Variants in AMBN observed in about 807,000 individuals in gnomAD.
The protein encoded by AMBN is enamel matrix protein.
A neutral mutation model predicts 48.0 loss-of-function variants in AMBN; 54 were observed. The observed-to-expected ratio is 1.12, with a 90% CI of 0.90 to 1.41. AMBN has a LOEUF of 1.41. AMBN is among the 40% of genes most tolerant of loss of function. AMBN has a pLI of 0.00. For synonymous variants in AMBN, 186 were observed against 190.0 expected, an observed-to-expected ratio of 0.98 and a Z score of 0.17; for missense variants, 571 against 547.3, an observed-to-expected ratio of 1.04 and a Z score of -0.43.
At position 70,602,964 on chromosome 4, in the gene AMBN, T is replaced by C. The variant is rs747766446; in HGVS notation, c.610-8T>C. 1.0e-5 allele frequency: 16 copies of C among 1,599,034 alleles called. No individual in the cohort carries two copies. The highest frequency in any genetic ancestry group is 1.7e-5 in the Admixed American group (1 of 58,788). ...GACTGATAATTTTAATATTTATCTG[T>C]AATATAGCTCCCAGGATTGGATTTT... is the stretch of plus-strand genomic sequence containing the variant. On this transcript the variant is annotated splice_polypyrimidine_tract_variant and splice_region_variant and intron_variant, in intron 8 of 12. Transcript: ENST00000322937.
rs755836736 is a variant in AMBN, at chr4:70,603,482, A to C, written c.753+22A>C. The C allele has an allele frequency of 2.5e-6, 4 of 1,601,942 alleles. No homozygotes were observed. In the Middle Eastern group the frequency reaches 6.8e-4, roughly 271 times the overall value. ...ATTGGTAAGTCCATATTCTATAAAA[A>C]GTATTGTTTTTAATTAAATTTTATC... On this transcript the variant is annotated intron_variant, in intron 11 of 12. Transcript: ENST00000322937.
rs1297431694 is a variant in AMBN at position 70,606,469 on chromosome 4, T to C, written c.1083T>C (p.Ile361=). 1 of 1,613,858 alleles carries C rather than the reference T, an allele frequency of 6.2e-7. No homozygotes were observed. The change falls in exon 13 of 13, where the codon ATT becomes ATC. Residue 361 remains isoleucine (I), a synonymous_variant. Coordinates refer to ENST00000322937, the MANE Select transcript of AMBN (RefSeq NM_016519.6). The part of the protein sequence containing the change: ...AGLLALPKDD[I]PGLPRSPSGK... Reference sequence around the variant, plus strand: ...TCCTTGCTCTCCCTAAGGATGACATTCCCGGCCTGCCAAGGAGCCCTTCAG... The same window carrying C: ...TCCTTGCTCTCCCTAAGGATGACATCCCCGGCCTGCCAAGGAGCCCTTCAG...
chr4:70,603,963 G>A (rs778923688), intron 12 of AMBN, 42 bp downstream of exon 12: 4 of 1,596,424 alleles, frequency 2.5e-6, no homozygotes, highest in South Asian at 2.2e-5. Flanking sequence ...AGTGGCCAGG[G>A]AAGAACAGTC....
intron 2 of AMBN, among the ~76,000 whole-genome samples, chr4:70,594,960 A>T (rs1405866177): frequency 6.6e-6 from 1 of 152,170 alleles, no homozygotes; most frequent in Non-Finnish European, 1.5e-5. Context: ...CATGACTTAG[A>T]GCAGATGGAA....
rs1737547472 is a variant in AMBN at position 70,602,675 on chromosome 4, C to A, written c.570+13C>A. ...ACAAGGTCCATCAGTAAGTACAGAT[C>A]TCAATGAGACACTTTCTGTATTTTA... On this transcript the variant is annotated intron_variant, in intron 7 of 12. Transcript: ENST00000322937. 6.4e-7 allele frequency: 1 copy of A among 1,564,014 alleles called. No individual in the cohort carries two copies. The highest frequency in any genetic ancestry group is 8.7e-7 in the Non-Finnish European group (1 of 1,150,832).
At chr4:70,594,032 A>G (rs1437841326) in intron 2 of AMBN, among the ~76,000 whole-genome samples, 1 of 152,218 alleles carries the variant, frequency 6.6e-6, no homozygotes, top group Admixed American at 6.5e-5. Flanking sequence ...TGCTATCATT[A>G]TAAAGTTGAA....
Position 70,603,472 on chromosome 4 carries a change from T to C in AMBN, c.753+12T>C, listed in dbSNP as rs781020845. 2 of 1,608,828 alleles carry C rather than the reference T, an allele frequency of 1.2e-6. No individual in the cohort carries two copies. Among genetic ancestry groups the C allele is most frequent in the South Asian group, 2.2e-5 (2 of 90,214 alleles). On this transcript the variant is annotated intron_variant, in intron 11 of 12. Coordinates refer to ENST00000322937, the MANE Select transcript of AMBN (RefSeq NM_016519.6). ...GAGCAAATCAATTGGTAAGTCCATA[T>C]TCTATAAAAAGTATTGTTTTTAATT...
rs749196582 is a variant in AMBN, at chr4:70,603,491, T to C, written c.753+31T>C. ...TCCATATTCTATAAAAAGTATTGTT[T>C]TTAATTAAATTTTATCTTAAGAGCT... On this transcript the variant is annotated intron_variant, in intron 11 of 12. Transcript: ENST00000322937. 6.1e-5 allele frequency: 96 copies of C among 1,585,874 alleles called. No individual in the cohort carries two copies. The Admixed American group carries it at 1.6e-3, about 27-fold the overall frequency.
rs1206923201 is a variant in AMBN, at chr4:70,603,192, A to T, written c.649-68A>T. 6 of 1,496,388 alleles carry T rather than the reference A, an allele frequency of 4.0e-6. No homozygotes were observed. In the African/African-American group the frequency reaches 8.3e-5, roughly 21 times the overall value. The allele number at this position is 1,496,388 out of a possible 1,614,324, so 92.7% of individuals were successfully genotyped here. On this transcript the variant is annotated intron_variant, in intron 9 of 12. Transcript: ENST00000322937. Reference sequence around the variant, plus strand: ...ATCCATCTGAAAATGTGTTTCATATACCTCAAAAATTACTGTTATGGGGAT... The same window carrying T: ...ATCCATCTGAAAATGTGTTTCATATTCCTCAAAAATTACTGTTATGGGGAT...
intron 4 of AMBN, 86 bp from the exon 5 acceptor site, chr4:70,599,450 A>AT: frequency 1.9e-6 from 2 of 1,052,136 alleles, no homozygotes; most frequent in Admixed American, 2.7e-5. Context: ...AAAAAAAAAA[A>AT]GAAAAAGGAA....
chr4:70,603,631 GACAC>G lies in AMBN; in HGVS notation c.753+186_753+189del, dbSNP rs142764944. 4.3e-3 allele frequency among the ~76,000 whole-genome samples: 647 copies of G among 149,832 alleles called. 4 individuals carry two copies. The highest frequency in any genetic ancestry group is 0.015 in the African/African-American group (595 of 41,008). ...CTTCCTATTTGGATAATCTTGGCCA[GACAC>G]ACACACACACACACGCACACGCACA... is the stretch of plus-strand genomic sequence containing the variant. On this transcript the variant is annotated intron_variant, in intron 11 of 12. Transcript: ENST00000322937.
At chr4:70,605,823 G>T (rs536318071) in intron 12 of AMBN, among the ~76,000 whole-genome samples, 1 of 152,058 alleles carries the variant, frequency 6.6e-6, no homozygotes, top group Admixed American at 6.6e-5. Flanking sequence ...CAAGATTCTC[G>T]CTCAACAAAT....
chr4:70,604,026 G>A (rs1051322968), intron 12 of AMBN, 105 bp downstream of exon 12: 19 of 1,118,538 alleles, frequency 1.7e-5, no homozygotes, highest in Admixed American at 1.4e-4. Context: ...AAATGAGCAT[G>A]GGACTCAGAT....
At position 70,603,880 on chromosome 4, in the gene AMBN, G is replaced by A; in HGVS notation, c.757G>A (p.Ala253Thr). ...CGCAATATTTCTTTTTGAACAGAAT[G>A]CCCCTGCCAGACTTGGCATCATGAG... ...YVPFGANQLN[A>T]PARLGIMSSE... The change falls in exon 12 of 13, where the codon GCC (alanine) becomes ACC (threonine). Residue 253 changes from alanine to threonine, a missense_variant. Transcript: ENST00000322937. 1 of 1,614,020 alleles carries A rather than the reference G, an allele frequency of 6.2e-7. No homozygotes were observed. The highest frequency in any genetic ancestry group is 8.5e-7 in the Non-Finnish European group (1 of 1,179,948).
At chr4:70,598,310 A>G (rs777675028) in intron 3 of AMBN, 46 bp from the exon 4 acceptor site, 18 of 1,402,044 alleles carry the variant, frequency 1.3e-5, no homozygotes, top group Non-Finnish European at 1.6e-5. Flanking sequence ...GTTGTGTCAA[A>G]CACAGCATAT....
chr4:70,602,943 G>A (rs1411235448), intron 8 of AMBN, 29 bp from the exon 9 acceptor site: 3 of 1,573,726 alleles, frequency 1.9e-6, no homozygotes, highest in African/African-American at 2.7e-5. Flanking sequence ...TTTTTTGACT[G>A]ATAATTTTAA....
Position 70,606,855 on chromosome 4 carries a change from A to T in AMBN, c.*125A>T. 1 of 1,078,986 alleles carries T rather than the reference A, an allele frequency of 9.3e-7. No homozygotes were observed. Among genetic ancestry groups the T allele is most frequent in the South Asian group, 1.8e-5 (1 of 55,306 alleles). 66.8% of individuals were successfully genotyped at this position (1,078,986 alleles called of 1,614,324 possible). A position where few individuals can be genotyped will look rare whatever the true frequency, so the allele number is the denominator to read the frequency against. The stretch of plus-strand genomic sequence containing the variant: ...AAGGCATTAAAAGCGCTAAGCATAT[A>T]TTAATAAATGCAAGTGGCTAGAAAT... On this transcript the variant is annotated 3_prime_UTR_variant, in exon 13 of 13. Transcript: ENST00000322937.
intron 12 of AMBN, among the ~76,000 whole-genome samples, chr4:70,605,122 A>G (rs1665511103): frequency 1.3e-5 from 2 of 152,274 alleles, no homozygotes; most frequent in Middle Eastern, 3.4e-3. Flanking sequence ...AGAGAGAAAG[A>G]GTCAGAGAGG....
At chr4:70,603,843 T>C (rs763484324) in intron 11 of AMBN, 34 bp from the exon 12 acceptor site, 2 of 1,612,484 alleles carry the variant, frequency 1.2e-6, no homozygotes, top group Middle Eastern at 1.6e-4. Context: ...AGGTAGCTGG[T>C]TCGTAATTTG....
Sources: gnomAD v4.1 joint callset for allele counts (sites outside exome capture counted in the v4.1 genomes callset) on GRCh38, gnomAD v4.1.1 for gene constraint, MANE v1.5 for transcripts, NCBI Gene and HGNC (gene_info 2026-07-23, HGNC 2026-07-21) for gene names.